Variants in LRP1B observed in about 807,000 individuals in gnomAD.
The protein encoded by LRP1B is LDL receptor related protein 1B.
LRP1B carries 217 observed loss-of-function variants against 556.6 expected under a neutral mutation model. The ratio of observed to expected loss-of-function variants is 0.39; its 90% CI spans 0.35 to 0.44. The LOEUF (loss-of-function observed/expected upper bound fraction) is 0.44, where lower values mean the gene tolerates loss of function less well. Ranked by LOEUF, LRP1B falls within the 20% of genes least tolerant of loss-of-function variation. The probability of loss-of-function intolerance (pLI) is 1.00; values close to 1 mark genes in which losing one functional copy is unlikely to be tolerated. For missense variants in LRP1B, 5,053 were observed against 5,620.8 expected (o/e 0.90, Z 3.23); for synonymous variants, 2,047 against 1,865.8 (o/e 1.10, Z -2.50).
chr2:142,019,785 C>A (rs1435403215), intron 1 of LRP1B, among the ~76,000 whole-genome samples: 2 of 152,184 alleles, frequency 1.3e-5, no homozygotes, highest in African/African-American at 4.8e-5. Context: ...TCTGCCCCAG[C>A]CACATTCCCA....
chr2:140,982,099 A>G (rs1312510945), intron 18 of LRP1B, 61 bp downstream of exon 18: 2 of 1,268,622 alleles, frequency 1.6e-6, no homozygotes, highest in Admixed American at 3.4e-5. Context: ...AGGAGGGTGT[A>G]GTGGTAGGGT....
At chr2:140,712,418 A>C (rs769489065) in intron 37 of LRP1B, among the ~76,000 whole-genome samples, 1 of 151,984 alleles carries the variant, frequency 6.6e-6, no homozygotes, top group Non-Finnish European at 1.5e-5. Context: ...GTAAGATACA[A>C]ATCTTGCCTC....
chr2:141,742,414 G>T (rs752347769), intron 2 of LRP1B, among the ~76,000 whole-genome samples: 36 of 151,782 alleles, frequency 2.4e-4, no homozygotes, highest in African/African-American at 8.2e-4. Flanking sequence ...ACCATGCCCC[G>T]CTAATTTTTT....
At chr2:142,130,059 T>A (rs961317180) in intron 1 of LRP1B, among the ~76,000 whole-genome samples, 1 of 152,094 alleles carries the variant, frequency 6.6e-6, no homozygotes, top group African/African-American at 2.4e-5. Context: ...GAAAAGTCAA[T>A]TTCAAGCAGG....
intron 3 of LRP1B, among the ~76,000 whole-genome samples, chr2:141,423,700 A>C (rs1239910042): frequency 6.6e-6 from 1 of 152,084 alleles, no homozygotes; most frequent in African/African-American, 2.4e-5. Context: ...GTAGATTAAA[A>C]CTTTCAGAAT....
chr2:140,702,066 A>G (rs1299648274), intron 39 of LRP1B, 75 bp downstream of exon 39: 2 of 1,514,906 alleles, frequency 1.3e-6, no homozygotes, highest in African/African-American at 2.8e-5. Context: ...AAGAAATGGT[A>G]AATCCTACAA....
At chr2:141,828,577 C>T (rs1263083487) in intron 1 of LRP1B, among the ~76,000 whole-genome samples, 2 of 152,112 alleles carry the variant, frequency 1.3e-5, no homozygotes, top group South Asian at 2.1e-4. Flanking sequence ...TCATCATATC[C>T]TTTGCAGGAG....
chr2:141,962,591 C>T (rs1049245266), intron 1 of LRP1B, among the ~76,000 whole-genome samples: 13 of 151,640 alleles, frequency 8.6e-5, no homozygotes, highest in African/African-American at 3.1e-4. Context: ...TTTTCTGAGT[C>T]TAAATGAGAA....
intron 3 of LRP1B, among the ~76,000 whole-genome samples, chr2:141,411,509 T>C (rs1015014018): frequency 6.6e-6 from 1 of 152,114 alleles, no homozygotes; most frequent in East Asian, 1.9e-4. Context: ...TGAGAATTAG[T>C]GTGAAACCAG....
Position 141,577,070 on chromosome 2 carries a change from G to C in LRP1B, c.206-96537C>G, listed in dbSNP as rs1007554555. 2.6e-5 allele frequency among the ~76,000 whole-genome samples: 4 copies of C among 151,814 alleles called. No homozygotes were observed. In the East Asian group the frequency reaches 5.8e-4, roughly 22 times the overall value. On this transcript the variant is annotated intron_variant, in intron 2 of 90. Coordinates refer to ENST00000389484, the MANE Select transcript of LRP1B (RefSeq NM_018557.3). ...AAATTTAAGTTATAAGTGTTTCCTT[G>C]AACACCTAATTGTAACTGCAACTAG...
chr2:141,665,712 G>A (rs961342233), intron 2 of LRP1B, among the ~76,000 whole-genome samples: 2 of 152,162 alleles, frequency 1.3e-5, no homozygotes, highest in African/African-American at 4.8e-5. Context: ...ATTAAAAAAT[G>A]TGGTACATAT....
intron 1 of LRP1B, among the ~76,000 whole-genome samples, chr2:142,083,371 G>A (rs556534367): frequency 2.6e-4 from 40 of 151,948 alleles, no homozygotes; most frequent in African/African-American, 8.7e-4. Flanking sequence ...CTCACTTATC[G>A]GTCCTTCAAT....
At chr2:140,328,350 T>A (rs1287848954) in intron 79 of LRP1B, among the ~76,000 whole-genome samples, 1 of 145,140 alleles carries the variant, frequency 6.9e-6, no homozygotes, top group African/African-American at 2.5e-5. Context: ...ATTTTCAGTA[T>A]ATCTCCCTTG....
chr2:141,118,818 T>C (rs1700970695), intron 7 of LRP1B, among the ~76,000 whole-genome samples: 1 of 151,884 alleles, frequency 6.6e-6, no homozygotes, highest in Non-Finnish European at 1.5e-5. Flanking sequence ...ATAAAGATTA[T>C]AATCATAATA....
At chr2:141,494,574 C>T (rs1010980357) in intron 2 of LRP1B, among the ~76,000 whole-genome samples, 5 of 151,470 alleles carry the variant, frequency 3.3e-5, no homozygotes, top group African/African-American at 1.2e-4. Context: ...ACTAATAGCA[C>T]CTTGATTTTC....
At chr2:140,761,803 C>T (rs969708062) in intron 35 of LRP1B, among the ~76,000 whole-genome samples, 1 of 152,038 alleles carries the variant, frequency 6.6e-6, no homozygotes, top group African/African-American at 2.4e-5. Flanking sequence ...AAGCAGATGA[C>T]ACAGCAAGCT....
At chr2:140,792,606 A>C (rs962557785) in intron 32 of LRP1B, among the ~76,000 whole-genome samples, 1 of 152,164 alleles carries the variant, frequency 6.6e-6, no homozygotes, top group Non-Finnish European at 1.5e-5. Flanking sequence ...AAAAAATGAG[A>C]AACGGTCTTA....
chr2:141,487,651 T>C (rs1448997140), intron 2 of LRP1B, among the ~76,000 whole-genome samples: 3 of 152,158 alleles, frequency 2.0e-5, no homozygotes, highest in Non-Finnish European at 4.4e-5. Flanking sequence ...TCTTTCACCC[T>C]CCCAAAATAC....
At chr2:141,265,826 G>C (rs1684865672) in intron 3 of LRP1B, among the ~76,000 whole-genome samples, 1 of 152,136 alleles carries the variant, frequency 6.6e-6, no homozygotes, top group African/African-American at 2.4e-5. Context: ...AACACATTCA[G>C]TTTGTATGGT....
Sources: gnomAD v4.1 joint callset for allele counts (sites outside exome capture counted in the v4.1 genomes callset) on GRCh38, gnomAD v4.1.1 for gene constraint, MANE v1.5 for transcripts, NCBI Gene and HGNC (gene_info 2026-07-23, HGNC 2026-07-21) for gene names.